Variants in TG observed in about 807,000 individuals in gnomAD.
The protein encoded by TG is thyroglobulin.
In TG, 270 loss-of-function variants were observed where a neutral mutation model predicts 324.7. That is an observed-to-expected ratio of 0.83 (90% CI 0.75 to 0.92). TG has a LOEUF of 0.92. Ranked by LOEUF, TG falls within the 40% of genes least tolerant of loss-of-function variation. The pLI, the probability that TG is intolerant of heterozygous loss-of-function variation, is 0.00. For missense variants in TG, 3,591 were observed against 3,456.4 expected (o/e 1.04, Z -0.98); for synonymous variants, 1,401 against 1,327.0 (o/e 1.06, Z -1.21).
At chr8:133,001,317 G>A (rs1833473436) in intron 35 of TG, among the ~76,000 whole-genome samples, 1 of 152,118 alleles carries the variant, frequency 6.6e-6, no homozygotes, top group Admixed American at 6.5e-5. Context: ...TCACTGAAGA[G>A]CTCAACAGTA....
At chr8:133,133,427 A>T (rs145519971) in intron 46 of TG, 43 bp from the exon 47 acceptor site, 19,916 of 1,594,460 alleles carry the variant, frequency 0.012, 164 homozygotes, top group Non-Finnish European at 0.014. Context: ...GAAAGGAAAG[A>T]CAAATTTCCC....
rs2130090277 is a variant in TG at position 132,948,963 on chromosome 8, C to T, written c.5401+20C>T. ...TCAAGAGTAAGTCTTTGCCATTTGTCCATATTCTTTCAAAATTACTCTTCA... is the reference window on the plus strand; with the variant it reads ...TCAAGAGTAAGTCTTTGCCATTTGTTCATATTCTTTCAAAATTACTCTTCA... On this transcript the variant is annotated intron_variant, in intron 27 of 47. Coordinates refer to ENST00000220616, the MANE Select transcript of TG (RefSeq NM_003235.5). 6.2e-7 allele frequency: 1 copy of T among 1,610,470 alleles called. No homozygotes were observed. The highest frequency in any genetic ancestry group is 1.1e-5 in the South Asian group (1 of 91,042).
chr8:132,987,990 C>A (rs1294519842), intron 35 of TG, among the ~76,000 whole-genome samples: 2 of 151,736 alleles, frequency 1.3e-5, no homozygotes, highest in Admixed American at 6.6e-5. Context: ...TGCACACCAT[C>A]CCCACTGACC....
intron 37 of TG, 106 bp from the exon 38 acceptor site, chr8:133,017,672 A>C: frequency 8.9e-7 from 1 of 1,122,440 alleles, no homozygotes; most frequent in Non-Finnish European, 1.3e-6. Context: ...AAGGTGCAAA[A>C]ACCGTGATTT....
intron 16 of TG, among the ~76,000 whole-genome samples, chr8:132,905,749 A>G (rs538370925): frequency 2.6e-5 from 4 of 152,256 alleles, no homozygotes; most frequent in African/African-American, 4.8e-5. Context: ...GGTTCTAACA[A>G]TTGACAAAAG....
At chr8:132,897,900 G>C in intron 12 of TG, 114 bp downstream of exon 12, 1 of 1,343,210 alleles carries the variant, frequency 7.4e-7, no homozygotes, top group Non-Finnish European at 1.0e-6. Flanking sequence ...CTCTTTAGCA[G>C]CTGGTGAAAA....
intron 34 of TG, among the ~76,000 whole-genome samples, chr8:132,979,278 C>G (rs1176735582): frequency 1.3e-5 from 2 of 152,214 alleles, no homozygotes; most frequent in Non-Finnish European, 2.9e-5. Flanking sequence ...CCCATCTTAT[C>G]TGCAGCTGTG....
At chr8:132,938,218 C>A (rs940967591) in intron 25 of TG, among the ~76,000 whole-genome samples, 5 of 152,220 alleles carry the variant, frequency 3.3e-5, no homozygotes, top group African/African-American at 1.2e-4. Flanking sequence ...CCATTCCCAT[C>A]TCTGACCTTC....
At chr8:132,931,706 G>GC (rs1016305211) in intron 23 of TG, among the ~76,000 whole-genome samples, 9 of 152,244 alleles carry the variant, frequency 5.9e-5, no homozygotes, top group African/African-American at 7.2e-5. Context: ...TTGTCCCTGA[G>GC]CCCGAAGCAG....
chr8:132,961,851 C>T (rs1329146365), intron 28 of TG, among the ~76,000 whole-genome samples: 1 of 152,120 alleles, frequency 6.6e-6, no homozygotes, highest in African/African-American at 2.4e-5. Context: ...AGAGGATTGG[C>T]GACTTGCTTC....
rs765931953 is a variant in TG, at chr8:133,094,242, CTT to C, written c.7240-785_7240-784del. Among the ~76,000 whole-genome samples, 1,012 of 126,542 alleles carry C rather than the reference CTT, an allele frequency of 8.0e-3. 6 individuals are homozygous for C. The highest frequency in any genetic ancestry group is 0.023 in the African/African-American group (772 of 34,054). The allele number at this position is 126,542 out of a possible 152,430, so 83.0% of individuals were successfully genotyped here. On this transcript the variant is annotated intron_variant, in intron 41 of 47. Transcript: ENST00000220616. ...TTAGAAAGAAGAAACCTGTCGTTTT[CTT>C]TTTTTTTTTTTTTTTTGATGGAGTC...
At chr8:132,878,400 A>C (rs972184663) in intron 5 of TG, among the ~76,000 whole-genome samples, 1 of 152,062 alleles carries the variant, frequency 6.6e-6, no homozygotes, top group African/African-American at 2.4e-5. Context: ...GCAGATCACG[A>C]GGTCAGGAGA....
intron 41 of TG, among the ~76,000 whole-genome samples, chr8:133,067,306 C>G (rs1331605813): frequency 6.6e-6 from 1 of 152,116 alleles, no homozygotes; most frequent in African/African-American, 2.4e-5. Context: ...CACCCCACCC[C>G]CATCTGCTTC....
At chr8:132,963,870 C>T (rs1828135649) in intron 29 of TG, among the ~76,000 whole-genome samples, 1 of 152,088 alleles carries the variant, frequency 6.6e-6, no homozygotes, top group Non-Finnish European at 1.5e-5. Flanking sequence ...GAGCTCGAAC[C>T]ATGTTTCTGC....
At chr8:132,962,956 C>T (rs1006026226) in intron 28 of TG, 38 bp from the exon 29 acceptor site, 1 of 1,595,910 alleles carries the variant, frequency 6.3e-7, no homozygotes, top group Non-Finnish European at 8.6e-7. Context: ...ACTACCCATT[C>T]TCCCCAACAT....
At chr8:132,972,778 T>A (rs550118608) in intron 34 of TG, 37 bp downstream of exon 34, 12 of 1,613,344 alleles carry the variant, frequency 7.4e-6, no homozygotes, top group African/African-American at 1.3e-5. Context: ...ATGGACGTCT[T>A]TAGTTAACTA....
chr8:132,881,824 C>A, intron 5 of TG, 39 bp from the exon 6 acceptor site: 1 of 1,412,758 alleles, frequency 7.1e-7, no homozygotes, highest in Non-Finnish European at 1.0e-6. Flanking sequence ...TGATGACTTG[C>A]CTTTATGAAT....
rs1319610340 is a variant in TG, at chr8:133,113,573, CCTT to C, written c.7727_7729del (p.Phe2576del). On this transcript the variant is annotated inframe_deletion, in exon 44 of 48. Coordinates refer to ENST00000220616, the MANE Select transcript of TG (RefSeq NM_003235.5). ...GAGCACTCCACGGATGACTATGCCTCCTTCTCCCGGGCTCTGGAGAATGCCACC... is the reference window on the plus strand; with the variant it reads ...GAGCACTCCACGGATGACTATGCCTCCTCCCGGGCTCTGGAGAATGCCACC... 6.2e-7 allele frequency: 1 copy of C among 1,614,144 alleles called. No homozygotes were observed.
intron 41 of TG, among the ~76,000 whole-genome samples, chr8:133,080,302 CCACT>C (rs1385806448): frequency 1.3e-5 from 2 of 152,124 alleles, no homozygotes; most frequent in Non-Finnish European, 1.5e-5. Flanking sequence ...TTTAGTCTTT[CCACT>C]CACTCTATGT....
Sources: gnomAD v4.1 joint callset for allele counts (sites outside exome capture counted in the v4.1 genomes callset) on GRCh38, gnomAD v4.1.1 for gene constraint, MANE v1.5 for transcripts, NCBI Gene and HGNC (gene_info 2026-07-23, HGNC 2026-07-21) for gene names.